Variants in ARR3 observed in about 807,000 individuals in gnomAD.
ARR3 encodes arrestin 3.
ARR3 carries 14 observed loss-of-function variants against 35.4 expected under a neutral mutation model. The ratio of observed to expected loss-of-function variants is 0.40; its 90% CI spans 0.26 to 0.62. The LOEUF (loss-of-function observed/expected upper bound fraction) is 0.62, where lower values mean the gene tolerates loss of function less well. ARR3 is among the 20% of genes least tolerant of loss of function. ARR3 has a pLI of 0.46. For synonymous variants in ARR3, 97 were observed against 119.1 expected (o/e 0.81, Z 1.21); for missense variants, 259 against 303.8 (o/e 0.85, Z 1.10).
Position 70,276,286 on chromosome X carries a change from T to A in ARR3, c.345+5T>A. Reference sequence around the variant, plus strand: ...GCCTACCCCTTTACCCTGCAGGTACTGACCCCAAGCCCTGGGCAGGCAAGG... The same window carrying A: ...GCCTACCCCTTTACCCTGCAGGTACAGACCCCAAGCCCTGGGCAGGCAAGG... On this transcript the variant is annotated splice_donor_5th_base_variant and intron_variant, in intron 6 of 16. Coordinates refer to ENST00000307959, the MANE Select transcript of ARR3 (RefSeq NM_004312.3). The A allele has an allele frequency of 8.3e-7, 1 of 1,209,860 alleles. No homozygotes were observed. The highest frequency in any genetic ancestry group is 1.1e-6 in the Non-Finnish European group (1 of 894,078).
rs746600127 is a variant in ARR3, at chrX:70,269,363, T to G, written c.-23T>G. 8.3e-6 allele frequency: 10 copies of G among 1,204,323 alleles called. No homozygotes were observed. In the East Asian group the frequency reaches 3.0e-4, roughly 36 times the overall value. On this transcript the variant is annotated 5_prime_UTR_variant, in exon 2 of 17. Coordinates refer to ENST00000307959, the MANE Select transcript of ARR3 (RefSeq NM_004312.3). Reference sequence around the variant, plus strand: ...TTCTTTCCCTTTTCCCAGAAAAGGCTCAACATCAACTATATAGCCAACATG... The same window carrying G: ...TTCTTTCCCTTTTCCCAGAAAAGGCGCAACATCAACTATATAGCCAACATG...
intron 13 of ARR3, 70 bp downstream of exon 13, chrX:70,280,348 C>T: frequency 9.2e-7 from 1 of 1,087,109 alleles, no homozygotes; most frequent in Non-Finnish European, 1.3e-6. Context: ...CTGTTTTTCT[C>T]CCAGTTAGAT....
At chrX:70,279,538 A>G (rs2085669731) in intron 12 of ARR3, among the ~76,000 whole-genome samples, 1 of 112,741 alleles carries the variant, frequency 8.9e-6, no homozygotes, top group Non-Finnish European at 1.9e-5. Flanking sequence ...TTCCTATGCT[A>G]AGCAATGTGG....
At chrX:70,278,275 T>C (rs2085662824) in intron 11 of ARR3, 137 bp downstream of exon 11, 10 of 682,237 alleles carry the variant, frequency 1.5e-5, no homozygotes, top group Non-Finnish European at 2.2e-5. Context: ...GAGAACTAGA[T>C]GGAGGGGATG....
chrX:70,275,970 C>T (rs2085650818), intron 5 of ARR3, 112 bp from the exon 6 acceptor site: 1 of 893,688 alleles, frequency 1.1e-6, no homozygotes, highest in East Asian at 3.3e-5. Context: ...AGCCACCGCG[C>T]CCAGCCAGCC....
At position 70,280,590 on chromosome X, in the gene ARR3, A is replaced by T; in HGVS notation, c.1013+8A>T. 1 of 1,201,959 alleles carries T rather than the reference A, an allele frequency of 8.3e-7. No homozygotes were observed. Among genetic ancestry groups the T allele is most frequent in the Non-Finnish European group, 1.1e-6 (1 of 890,845 alleles). On this transcript the variant is annotated splice_region_variant and intron_variant, in intron 14 of 16. Transcript: ENST00000307959. ...AGGAGACCTGACAGCCAGGTGAGAG[A>T]CTGTGGGGTGGGGGAACTTGGGCAA...
rs372210873 is a variant in ARR3, at chrX:70,270,139, G to A, written c.140G>A (p.Arg47Gln). The A allele has an allele frequency of 5.1e-5, 62 of 1,208,555 alleles. No individual in the cohort carries two copies. The highest frequency in any genetic ancestry group is 6.7e-5 in the Non-Finnish European group (60 of 893,671). ...VLVDPEYLKC[R>Q]KLFVMLTCAF... is the part of the protein sequence containing the mutation. ...GTTGATCCTGAGTACTTAAAATGTC[G>A]AAAGTGTAAGTGGAAATCCTTGTTG... Residue 47 changes from arginine (R) to glutamine (Q), a missense_variant, in exon 5 of 17, where the codon CGA becomes CAA. Physicochemically the swap from Arg to Gln is conservative, Grantham distance 43 (BLOSUM62 1). Coordinates refer to ENST00000307959, the MANE Select transcript of ARR3 (RefSeq NM_004312.3).
At chrX:70,276,596 A>G (rs2085654022) in intron 7 of ARR3, 73 bp from the exon 8 acceptor site, 1 of 1,172,120 alleles carries the variant, frequency 8.5e-7, no homozygotes, top group Non-Finnish European at 1.2e-6. Context: ...GAGGTCAGGC[A>G]TTTTCTTATA....
In ARR3 at chrX:70,281,005, G is replaced by C. The variant is rs947459721; in HGVS notation, c.1067-94G>C. ...CTGGAGCAAAGGATTGGGAAGTTGG[G>C]GGGGGGGGAAGTAAAGATACTTCTT... On this transcript the variant is annotated intron_variant, in intron 15 of 16. Transcript: ENST00000307959. 2.7e-5 allele frequency: 26 copies of C among 958,989 alleles called. 1 individual carries two copies. The highest frequency in any genetic ancestry group is 2.9e-4 in the Middle Eastern group (1 of 3,405). The allele number at this position is 958,989 out of a possible 1,213,427, so 79.0% of individuals were successfully genotyped here. A position where few individuals can be genotyped will look rare whatever the true frequency, so the allele number is the denominator to read the frequency against.
chrX:70,274,724 AG>A (rs1490626721), intron 5 of ARR3, among the ~76,000 whole-genome samples: 4 of 112,233 alleles, frequency 3.6e-5, no homozygotes, highest in African/African-American at 1.3e-4. Context: ...CATCCTCCAG[AG>A]GGGAGAAACA....
chrX:70,281,186 A>G, intron 16 of ARR3, 78 bp downstream of exon 16: 1 of 1,146,967 alleles, frequency 8.7e-7, no homozygotes. Flanking sequence ...TAGAAATGTG[A>G]AAATGCTTCC....
At chrX:70,280,481 A>G in intron 13 of ARR3, 78 bp from the exon 14 acceptor site, 1 of 1,087,170 alleles carries the variant, frequency 9.2e-7, no homozygotes, top group Non-Finnish European at 1.2e-6. Context: ...AGGTCTTATG[A>G]TCCCTCATCC....
chrX:70,278,963 A>G (rs1284693717), intron 12 of ARR3, among the ~76,000 whole-genome samples: 1 of 113,088 alleles, frequency 8.8e-6, no homozygotes, highest in Non-Finnish European at 1.9e-5. Flanking sequence ...CCACTAAAGT[A>G]GCCTGGACAG....
intron 5 of ARR3, among the ~76,000 whole-genome samples, chrX:70,273,214 C>CTTTTTTTTTTTTTTTTTTTT: frequency 2.4e-5 from 1 of 41,626 alleles, no homozygotes; most frequent in Non-Finnish European, 4.0e-5. Flanking sequence ...GAAAGGATTC[C>CTTTTTTTTTTTTTTTTTTTT]TTTTTTTTTT....
Position 70,281,683 on chromosome X carries a change from G to A in ARR3, c.1084G>A (p.Asp362Asn). The change falls in exon 17 of 17, where the codon GAC becomes AAC. Residue 362 changes from aspartate to asparagine, a missense_variant. By Grantham distance (23) the Asp-to-Asn change is conservative (BLOSUM62 1). Transcript: ENST00000307959. ...KPSHEAASSE[D>N]IVIEEFTRKG... ...TTCTGCTGCTTCTGCAAGCTCTGAG[G>A]ACATAGTCATCGAGGAGTTTACGCG... 8.4e-7 allele frequency: 1 copy of A among 1,183,552 alleles called. No homozygotes were observed. Among genetic ancestry groups the A allele is most frequent in the Non-Finnish European group, 1.1e-6 (1 of 880,764 alleles).
rs1183898366 is a variant in ARR3, at chrX:70,273,217, T to C, written c.146-2865T>C. ...TTTGAAGTTTCCGAAAGGATTCCTT[T>C]TTTTTTTTTTTTTTTTTTTTTTGAG... On this transcript the variant is annotated intron_variant, in intron 5 of 16. Transcript: ENST00000307959. Among the ~76,000 whole-genome samples the C allele has an allele frequency of 3.8e-5, 3 of 79,033 alleles. No homozygotes were observed. In the South Asian group the frequency reaches 2.2e-3, roughly 59 times the overall value. 68.6% of individuals were successfully genotyped at this position (79,033 alleles called of 115,157 possible). A position where few individuals can be genotyped will look rare whatever the true frequency, so the allele number is the denominator to read the frequency against.
Position 70,281,831 on chromosome X carries a change from T to C in ARR3, c.*65T>C. 1 of 924,840 alleles carries C rather than the reference T, an allele frequency of 1.1e-6. No homozygotes were observed. The highest frequency in any genetic ancestry group is 1.5e-6 in the Non-Finnish European group (1 of 670,429). 76.2% of individuals were successfully genotyped at this position (924,840 alleles called of 1,213,427 possible). On this transcript the variant is annotated 3_prime_UTR_variant, in exon 17 of 17. Transcript: ENST00000307959. ...TGTAACACTCTAATAAATCAGTTTG[T>C]TCAGATGTGCCTAGCGATCTCTTGC...
chrX:70,277,651 G>A lies in ARR3; in HGVS notation c.610-65G>A. The A allele has an allele frequency of 2.6e-6, 3 of 1,172,974 alleles. No individual in the cohort carries two copies. In the South Asian group the frequency reaches 5.6e-5, roughly 22 times the overall value. ...GTGGCAATAGCGCTAAGGAAGCAGG[G>A]GTTCTAGGTCTCCATCTGCGTATTC... is the stretch of plus-strand genomic sequence containing the variant. On this transcript the variant is annotated intron_variant, in intron 9 of 16. Transcript: ENST00000307959.
At chrX:70,273,203 C>T (rs762146200) in intron 5 of ARR3, among the ~76,000 whole-genome samples, 5 of 103,121 alleles carry the variant, frequency 4.8e-5, no homozygotes, top group Non-Finnish European at 9.8e-5. Context: ...TTGAAGTTTC[C>T]GAAAGGATTC....
Sources: allele counts gnomAD v4.1 joint callset (sites outside exome capture counted in the v4.1 genomes callset), GRCh38; gene constraint gnomAD v4.1.1; transcripts MANE v1.5; gene names NCBI Gene and HGNC (gene_info 2026-07-23, HGNC 2026-07-21).